Variants in LDLRAD3 observed in about 807,000 individuals in gnomAD.
LDLRAD3 encodes the protein low density lipoprotein receptor class A domain containing 3.
A neutral mutation model predicts 29.4 loss-of-function variants in LDLRAD3; 20 were observed. The ratio of observed to expected loss-of-function variants is 0.68; its 90% CI spans 0.48 to 0.99. The LOEUF (loss-of-function observed/expected upper bound fraction) is 0.99, where lower values mean the gene tolerates loss of function less well. LDLRAD3 is among the 50% of genes least tolerant of loss of function. The pLI, the probability that LDLRAD3 is intolerant of heterozygous loss-of-function variation, is 0.00. For missense variants in LDLRAD3, 420 were observed against 454.3 expected (o/e 0.92, Z 0.69); for synonymous variants, 157 against 192.7 (o/e 0.81, Z 1.53).
chr11:35,999,619 C>T (rs61879132), intron 1 of LDLRAD3, among the ~76,000 whole-genome samples: 8,191 of 152,304 alleles, frequency 0.054, 287 homozygotes, highest in African/African-American at 0.1. Flanking sequence ...GTCTCCCTCA[C>T]GCTCTTCCAT....
intron 4 of LDLRAD3, among the ~76,000 whole-genome samples, chr11:36,144,391 T>TCGCC: frequency 7.5e-6 from 1 of 133,352 alleles, no homozygotes; most frequent in South Asian, 2.9e-4. Context: ...TGGCCGCCCA[T>TCGCC]CATCTGGGAT....
Position 36,036,088 on chromosome 11 carries a change from C to T in LDLRAD3, c.47-15C>T, listed in dbSNP as rs1452672351. The T allele has an allele frequency of 5.0e-6, 8 of 1,612,564 alleles. No homozygotes were observed. The East Asian group carries it at 8.9e-5, about 18-fold the overall frequency. Reference sequence around the variant, plus strand: ...CTGTTGCTGTGCCGTCTGACCTGTCCCCTCTCTCTGACAGAGAGCCAGCTG... The same window carrying T: ...CTGTTGCTGTGCCGTCTGACCTGTCTCCTCTCTCTGACAGAGAGCCAGCTG... On this transcript the variant is annotated splice_polypyrimidine_tract_variant and intron_variant, in intron 1 of 5. Coordinates refer to ENST00000315571, the MANE Select transcript of LDLRAD3 (RefSeq NM_174902.4).
intron 1 of LDLRAD3, among the ~76,000 whole-genome samples, chr11:36,019,874 C>T (rs1852072380): frequency 6.6e-6 from 1 of 152,154 alleles, no homozygotes; most frequent in African/African-American, 2.4e-5. Context: ...CAGTGCAGAG[C>T]AGAAACAGAG....
chr11:36,112,083 C>T (rs1222667412), intron 4 of LDLRAD3, among the ~76,000 whole-genome samples: 1 of 151,096 alleles, frequency 6.6e-6, no homozygotes, highest in African/African-American at 2.4e-5. Flanking sequence ...ATTTGTACCT[C>T]TACAGCAGAA....
chr11:36,083,638 ACTT>A (rs1368336518), intron 3 of LDLRAD3, among the ~76,000 whole-genome samples: 11 of 152,192 alleles, frequency 7.2e-5, no homozygotes, highest in Admixed American at 5.9e-4. Context: ...CTTACAATAT[ACTT>A]CTTTTGTATT....
chr11:36,020,689 G>A (rs1250458071), intron 1 of LDLRAD3, among the ~76,000 whole-genome samples: 1 of 152,158 alleles, frequency 6.6e-6, no homozygotes, highest in Non-Finnish European at 1.5e-5. Context: ...TGAGAGGTCT[G>A]AGTGGGGGCT....
intron 1 of LDLRAD3, among the ~76,000 whole-genome samples, chr11:35,973,999 G>C (rs1416404576): frequency 6.6e-6 from 1 of 152,074 alleles, no homozygotes; most frequent in African/African-American, 2.4e-5. Context: ...TCTATAAACT[G>C]TTTATAGCCT....
In LDLRAD3 at chr11:35,944,205, A is replaced by C. The variant is rs1004388520; in HGVS notation, c.46+61A>C. 1.1e-6 allele frequency: 1 copy of C among 893,452 alleles called. No homozygotes were observed. The highest frequency in any genetic ancestry group is 1.9e-5 in the African/African-American group (1 of 53,060). The allele number at this position is 893,452 out of a possible 1,614,324, so 55.3% of individuals were successfully genotyped here. On this transcript the variant is annotated intron_variant, in intron 1 of 5. Transcript: ENST00000315571. This position sits in a 1 kb window ranked among gnomAD's most constrained non-coding sequence, Gnocchi z 4.9. ...GCGCGGGGCGCGGGGCGCGGGGCGC[A>C]GCGGCCGGGTGCGATCGCGTCCTCT...
chr11:36,174,625 C>T (rs1460547864), intron 4 of LDLRAD3, among the ~76,000 whole-genome samples: 1 of 152,196 alleles, frequency 6.6e-6, no homozygotes, highest in African/African-American at 2.4e-5. Context: ...TGCTTGTCAT[C>T]ACTGGCCATC....
Position 36,157,747 on chromosome 11 carries a change from G to A in LDLRAD3, c.454+59286G>A, listed in dbSNP as rs140746177. Among the ~76,000 whole-genome samples the A allele has an allele frequency of 4.8e-4, 73 of 152,292 alleles. 1 individual carries two copies. Among genetic ancestry groups the A allele is most frequent in the African/African-American group, 1.6e-3 (67 of 41,564 alleles). On this transcript the variant is annotated intron_variant, in intron 4 of 5. Coordinates refer to ENST00000315571, the MANE Select transcript of LDLRAD3 (RefSeq NM_174902.4). The stretch of plus-strand genomic sequence containing the variant: ...AGGGTGTCTGTCTTTTGGAGGGAGC[G>A]GAGTGTCTCCATTTCAGTTGTTGCT...
At chr11:36,092,020 G>A (rs1410012315) in intron 3 of LDLRAD3, among the ~76,000 whole-genome samples, 2 of 152,132 alleles carry the variant, frequency 1.3e-5, no homozygotes, top group Admixed American at 6.5e-5. Context: ...GAGCTGTCTG[G>A]GGTCTTTGGA....
At chr11:36,148,851 T>A (rs1002607948) in intron 4 of LDLRAD3, among the ~76,000 whole-genome samples, 4 of 152,154 alleles carry the variant, frequency 2.6e-5, no homozygotes, top group Non-Finnish European at 4.4e-5. Flanking sequence ...AGGCAGAAAG[T>A]GTTGGAAAGG....
chr11:36,204,987 A>G (rs1395538161), intron 4 of LDLRAD3, among the ~76,000 whole-genome samples: 3 of 151,958 alleles, frequency 2.0e-5, no homozygotes, highest in African/African-American at 7.3e-5. Flanking sequence ...CCCCCGCCCT[A>G]ATGCACAGCC....
chr11:36,128,117 C>CATATATATATATATAGATAT (rs1853865693), intron 4 of LDLRAD3, among the ~76,000 whole-genome samples: 1 of 98,954 alleles, frequency 1.0e-5, no homozygotes, highest in Non-Finnish European at 2.3e-5. Context: ...GTTGTTTTTA[C>CATATATATATATATAGATAT]ATATATATAT....
At chr11:36,204,424 C>T (rs1055092006) in intron 4 of LDLRAD3, among the ~76,000 whole-genome samples, 2 of 152,094 alleles carry the variant, frequency 1.3e-5, no homozygotes, top group Non-Finnish European at 2.9e-5. Flanking sequence ...CATGTCCCTC[C>T]TACACTTAGA....
At chr11:36,088,440 G>C (rs1480964995) in intron 3 of LDLRAD3, among the ~76,000 whole-genome samples, 1 of 152,242 alleles carries the variant, frequency 6.6e-6, no homozygotes, top group Non-Finnish European at 1.5e-5. Context: ...TAGTGTAGTT[G>C]TGCCCAGAAA....
intron 4 of LDLRAD3, among the ~76,000 whole-genome samples, chr11:36,187,534 A>G (rs1854869493): frequency 6.6e-6 from 1 of 152,190 alleles, no homozygotes; most frequent in Non-Finnish European, 1.5e-5. Context: ...GGATATATTA[A>G]CCACTCTTTT....
chr11:35,985,548 AT>A (rs1366651951), intron 1 of LDLRAD3, among the ~76,000 whole-genome samples: 9 of 152,070 alleles, frequency 5.9e-5, no homozygotes, highest in African/African-American at 1.9e-4. Flanking sequence ...GGTGAATTAT[AT>A]GGTTTGGCTG....
chr11:35,951,587 G>T (rs1851136233), intron 1 of LDLRAD3, among the ~76,000 whole-genome samples: 1 of 152,104 alleles, frequency 6.6e-6, no homozygotes, highest in Admixed American at 6.5e-5. Context: ...CTCTTAAAGG[G>T]CTGGCTCTTG....
Sources: gnomAD v4.1 joint callset for allele counts (sites outside exome capture counted in the v4.1 genomes callset) on GRCh38, gnomAD v4.1.1 for gene constraint, Gnocchi (gnomAD v3.1) non-coding constraint, MANE v1.5 for transcripts, NCBI Gene and HGNC (gene_info 2026-07-23, HGNC 2026-07-21) for gene names.